Variants in ABHD2 observed in about 807,000 individuals in gnomAD.
ABHD2 encodes monoacylglycerol lipase ABHD2.
ABHD2 carries 20 observed loss-of-function variants against 48.1 expected under a neutral mutation model. The ratio of observed to expected loss-of-function variants is 0.42; its 90% CI spans 0.29 to 0.60. ABHD2 has a LOEUF of 0.60. Ranked by LOEUF, ABHD2 falls within the 20% of genes least tolerant of loss-of-function variation. The pLI, the probability that ABHD2 is intolerant of heterozygous loss-of-function variation, is 0.24. For synonymous variants in ABHD2, 209 were observed against 214.2 expected (o/e 0.98, Z 0.21); for missense variants, 405 against 550.9 (o/e 0.74, Z 2.65).
At chr15:89,142,112 A>C (rs936316195) in intron 3 of ABHD2, among the ~76,000 whole-genome samples, 1 of 152,294 alleles carries the variant, frequency 6.6e-6, no homozygotes, top group Non-Finnish European at 1.5e-5. Context: ...CCCCAGTTGA[A>C]GTCTCAACCC....
At chr15:89,125,437 C>T (rs558208423) in intron 3 of ABHD2, among the ~76,000 whole-genome samples, 1 of 152,262 alleles carries the variant, frequency 6.6e-6, no homozygotes, top group South Asian at 2.1e-4. Context: ...TCAAAATCAT[C>T]TTGATTGAGG....
rs2050870369 is a variant in ABHD2 at position 89,168,490 on chromosome 15, C to A, written c.539-7322C>A. On this transcript the variant is annotated intron_variant, in intron 5 of 10. Coordinates refer to ENST00000352732, the MANE Select transcript of ABHD2 (RefSeq NM_152924.5). This position sits in a 1 kb window ranked among gnomAD's most constrained non-coding sequence, Gnocchi z 4.8. Reference sequence around the variant, plus strand: ...CAGGAGGACCTTCCAGAAGGCTGATCCTGGAGCTGGGCACCATGTCTTTGC... The same window carrying A: ...CAGGAGGACCTTCCAGAAGGCTGATACTGGAGCTGGGCACCATGTCTTTGC... Among the ~76,000 whole-genome samples, 1 of 152,148 alleles carries A rather than the reference C, an allele frequency of 6.6e-6. No individual in the cohort carries two copies. The highest frequency in any genetic ancestry group is 2.4e-5 in the African/African-American group (1 of 41,416).
chr15:89,138,841 C>G (rs2050356802), intron 3 of ABHD2, among the ~76,000 whole-genome samples: 1 of 150,834 alleles, frequency 6.6e-6, no homozygotes, highest in African/African-American at 2.4e-5. Context: ...AGAGACCTGT[C>G]CTCTAATCCT....
chr15:89,171,498 G>C (rs61596673), intron 5 of ABHD2, among the ~76,000 whole-genome samples: 1 of 152,120 alleles, frequency 6.6e-6, no homozygotes, highest in Non-Finnish European at 1.5e-5. Flanking sequence ...CCAGAAAGCA[G>C]TTACATGGAT....
intron 9 of ABHD2, 132 bp downstream of exon 9, chr15:89,191,281 G>A (rs2051300318): frequency 2.4e-6 from 2 of 847,160 alleles, no homozygotes; most frequent in South Asian, 1.7e-5. Context: ...TTTTAGCTTG[G>A]ATTTGTTTAT....
chr15:89,091,464 T>G lies in ABHD2; in HGVS notation c.-107+2901T>G, dbSNP rs535458117. Among the ~76,000 whole-genome samples the G allele has an allele frequency of 4.6e-5, 7 of 152,340 alleles. 1 individual carries two copies. In the South Asian group the frequency reaches 1.4e-3, roughly 32 times the overall value. On this transcript the variant is annotated intron_variant, in intron 1 of 10. Transcript: ENST00000352732. The surrounding 1 kb of genome is among the most constrained non-coding windows in gnomAD (Gnocchi z 5.5). ...GGGCCCCTTTCTCTCTTTCTCACTC[T>G]CTTTTCTCAGTATTTTGGTGGATGA...
intron 3 of ABHD2, among the ~76,000 whole-genome samples, chr15:89,122,928 A>G (rs2050074633): frequency 6.6e-6 from 1 of 152,224 alleles, no homozygotes; most frequent in Non-Finnish European, 1.5e-5. Flanking sequence ...TGGATCCAAG[A>G]GACATCTAGA....
Position 89,201,848 on chromosome 15 carries a change from G to A in ABHD2, c.*6425G>A, listed in dbSNP as rs1322845921. 12 of 966,212 alleles carry A rather than the reference G, an allele frequency of 1.2e-5. No homozygotes were observed. The highest frequency in any genetic ancestry group is 1.9e-5 in the Non-Finnish European group (12 of 621,040). The allele number at this position is 966,212 out of a possible 1,614,324, so 59.9% of individuals were successfully genotyped here. On this transcript the variant is annotated 3_prime_UTR_variant, in exon 11 of 11. Transcript: ENST00000352732. The stretch of plus-strand genomic sequence containing the variant: ...GGGGGCGGCTTGCTCGCTGGGGGCG[G>A]GGGACGATGGCGAGAGGGGAGGGGG...
the ABHD2 span, among the ~76,000 whole-genome samples, chr15:89,076,933 C>T: frequency 2.0e-5 from 3 of 152,186 alleles, no homozygotes; most frequent in Admixed American, 6.5e-5. Context: ...TTCTCTGGAT[C>T]ACTCTGTGGT....
chr15:89,168,471 G>A lies in ABHD2; in HGVS notation c.539-7341G>A, dbSNP rs2050870134. 6.6e-6 allele frequency among the ~76,000 whole-genome samples: 1 copy of A among 152,182 alleles called. No individual in the cohort carries two copies. Among genetic ancestry groups the A allele is most frequent in the African/African-American group, 2.4e-5 (1 of 41,440 alleles). On this transcript the variant is annotated intron_variant, in intron 5 of 10. Coordinates refer to ENST00000352732, the MANE Select transcript of ABHD2 (RefSeq NM_152924.5). This position sits in a 1 kb window ranked among gnomAD's most constrained non-coding sequence, Gnocchi z 4.8. ...CTGACATCAGGGGAGGTCCCAGGAG[G>A]ACCTTCCAGAAGGCTGATCCTGGAG...
rs564920503 is a variant in ABHD2, at chr15:89,094,650, G to A, written c.-107+6087G>A. On this transcript the variant is annotated intron_variant, in intron 1 of 10. Coordinates refer to ENST00000352732, the MANE Select transcript of ABHD2 (RefSeq NM_152924.5). This position sits in a 1 kb window ranked among gnomAD's most constrained non-coding sequence, Gnocchi z 4.7. ...TTGAACCCAGGAGGCAGAGGCTGCC[G>A]TGAGCCAAGATCGCACCACTGCACT... is the stretch of plus-strand genomic sequence containing the variant. 3.5e-4 allele frequency among the ~76,000 whole-genome samples: 53 copies of A among 152,252 alleles called. No individual in the cohort carries two copies. Among genetic ancestry groups the A allele is most frequent in the Non-Finnish European group, 7.2e-4 (49 of 68,030 alleles).
intron 3 of ABHD2, among the ~76,000 whole-genome samples, chr15:89,127,727 A>G (rs1228579512): frequency 2.8e-5 from 4 of 142,650 alleles, no homozygotes; most frequent in African/African-American, 1.1e-4. Flanking sequence ...ATACACATAT[A>G]TATATATATA....
chr15:89,112,243 C>A (rs1430716048), intron 1 of ABHD2, among the ~76,000 whole-genome samples: 2 of 152,206 alleles, frequency 1.3e-5, no homozygotes, highest in African/African-American at 4.8e-5. Context: ...GCCAAATCTT[C>A]TGATTTTGTT....
the ABHD2 span, among the ~76,000 whole-genome samples, chr15:89,047,306 T>C: frequency 0.27 from 40,723 of 149,316 alleles, 5,862 homozygotes; most frequent in African/African-American, 0.37. Flanking sequence ...TGAGGAGAGC[T>C]TTACTTCCAA....
intron 5 of ABHD2, among the ~76,000 whole-genome samples, chr15:89,158,141 C>T (rs2050704455): frequency 6.6e-6 from 1 of 152,110 alleles, no homozygotes; most frequent in African/African-American, 2.4e-5. Context: ...ACTTAATGTG[C>T]ACCAGACACA....
intron 1 of ABHD2, among the ~76,000 whole-genome samples, chr15:89,107,572 T>G (rs1245737674): frequency 6.6e-6 from 1 of 152,164 alleles, no homozygotes; most frequent in Non-Finnish European, 1.5e-5. Flanking sequence ...TACGGTAGTA[T>G]TGTATGCCGG....
intron 3 of ABHD2, among the ~76,000 whole-genome samples, chr15:89,134,782 G>A (rs1487706333): frequency 1.3e-5 from 2 of 152,140 alleles, no homozygotes; most frequent in Admixed American, 6.5e-5. Context: ...GCCCGAAAGA[G>A]CATTATAAAG....
chr15:89,111,139 A>G (rs2049868820), intron 1 of ABHD2, among the ~76,000 whole-genome samples: 2 of 152,216 alleles, frequency 1.3e-5, no homozygotes, highest in South Asian at 4.1e-4. Context: ...ATTGTTGTGT[A>G]TGTTGACATA....
At chr15:89,140,148 G>A (rs1331000493) in intron 3 of ABHD2, among the ~76,000 whole-genome samples, 2 of 152,108 alleles carry the variant, frequency 1.3e-5, no homozygotes, top group Non-Finnish European at 2.9e-5. Flanking sequence ...TGAGCAGCCT[G>A]TGTTAGGAAC....
Sources: gnomAD v4.1 joint callset for allele counts (sites outside exome capture counted in the v4.1 genomes callset) on GRCh38, gnomAD v4.1.1 for gene constraint, Gnocchi (gnomAD v3.1) non-coding constraint, MANE v1.5 for transcripts, NCBI Gene and HGNC (gene_info 2026-07-23, HGNC 2026-07-21) for gene names.